The following PRR16 variants were observed in gnomAD, a reference collection of about 807,000 sequenced individuals.
PRR16 encodes the protein protein Largen.
In PRR16, 6 loss-of-function variants were observed where a neutral mutation model predicts 18.2. The observed-to-expected ratio is 0.33, with a 90% CI of 0.18 to 0.65. PRR16 has a LOEUF of 0.65. Ranked by LOEUF, PRR16 falls within the 30% of genes least tolerant of loss-of-function variation. PRR16 has a pLI of 0.74. For synonymous variants in PRR16, 151 were observed against 147.8 expected (o/e 1.02, Z -0.16); for missense variants, 412 against 376.6 (o/e 1.09, Z -0.78).
the PRR16 span, among the ~76,000 whole-genome samples, chr5:120,707,735 G>A: frequency 3.9e-5 from 6 of 152,232 alleles, no homozygotes; most frequent in East Asian, 1.2e-3. Context: ...TTTTTGATAG[G>A]GGAAGAAGAA....
chr5:120,567,856 T>C (rs1163061565), intron 1 of PRR16, among the ~76,000 whole-genome samples: 1 of 152,162 alleles, frequency 6.6e-6, no homozygotes, highest in East Asian at 1.9e-4. Flanking sequence ...CCAGTCTCTG[T>C]TAGTTCTTTA....
chr5:120,686,480 G>C lies in PRR16; in HGVS notation c.686G>C (p.Arg229Thr). ...GATACCCGGTATAACATAAAAAACA[G>C]GGAGGTCCACTTACACAGTGAACCT... ...DCDTRYNIKN[R>T]EVHLHSEPVH... The change falls in exon 2 of 2, where the codon AGG becomes ACG. Residue 229 changes from arginine to threonine, a missense_variant. By Grantham distance (71) the Arg-to-Thr change is moderately conservative. Coordinates refer to ENST00000407149, the MANE Select transcript of PRR16 (RefSeq NM_001300783.2). 6.2e-7 allele frequency: 1 copy of C among 1,614,030 alleles called. No individual in the cohort carries two copies. The highest frequency in any genetic ancestry group is 8.5e-7 in the Non-Finnish European group (1 of 1,179,998).
At chr5:120,633,403 G>A (rs930778464) in intron 1 of PRR16, among the ~76,000 whole-genome samples, 18 of 152,026 alleles carry the variant, frequency 1.2e-4, no homozygotes, top group Admixed American at 1.0e-3. Flanking sequence ...TGGCCTAAAC[G>A]CACCACTTAA....
the PRR16 span, among the ~76,000 whole-genome samples, chr5:120,709,072 A>G: frequency 7.6e-6 from 1 of 132,294 alleles, no homozygotes; most frequent in Non-Finnish European, 1.5e-5. Flanking sequence ...CAGTGGCGCA[A>G]TCTCGGCTCA....
the PRR16 span, among the ~76,000 whole-genome samples, chr5:120,775,782 T>A: frequency 1.4e-5 from 2 of 147,890 alleles, no homozygotes; most frequent in Non-Finnish European, 3.0e-5. Flanking sequence ...AGGCACCTGC[T>A]GCTACGCCTG....
chr5:120,480,670 A>G (rs1309433166), intron 1 of PRR16, among the ~76,000 whole-genome samples: 1 of 152,206 alleles, frequency 6.6e-6, no homozygotes, highest in Non-Finnish European at 1.5e-5. Flanking sequence ...ATGAAGAAAG[A>G]GAGTTAATGA....
chr5:120,641,780 G>C (rs1755431238), intron 1 of PRR16, among the ~76,000 whole-genome samples: 2 of 152,088 alleles, frequency 1.3e-5, no homozygotes, highest in African/African-American at 4.8e-5. Flanking sequence ...CGTCTGCAGA[G>C]AGCGTTAACT....
chr5:120,611,376 C>T (rs1241427546), intron 1 of PRR16, among the ~76,000 whole-genome samples: 1 of 152,032 alleles, frequency 6.6e-6, no homozygotes, highest in Non-Finnish European at 1.5e-5. Context: ...ATGGGGAAAA[C>T]GTCTCCAGGC....
the PRR16 span, among the ~76,000 whole-genome samples, chr5:120,782,174 AG>A: frequency 6.6e-6 from 1 of 152,134 alleles, no homozygotes; most frequent in Non-Finnish European, 1.5e-5. Flanking sequence ...TTAATGTAAA[AG>A]TTTGGAGTGG....
At chr5:120,652,986 G>A (rs1377797731) in intron 1 of PRR16, among the ~76,000 whole-genome samples, 1 of 152,096 alleles carries the variant, frequency 6.6e-6, no homozygotes, top group East Asian at 1.9e-4. Flanking sequence ...AAATAACAGT[G>A]CAGATATATT....
At chr5:120,485,810 C>G (rs980630196) in intron 1 of PRR16, among the ~76,000 whole-genome samples, 3 of 152,122 alleles carry the variant, frequency 2.0e-5, no homozygotes, top group African/African-American at 4.8e-5. Context: ...TCCCCCGACC[C>G]CACAACAGTC....
At chr5:120,717,445 T>A in the PRR16 span, among the ~76,000 whole-genome samples, 1 of 152,200 alleles carries the variant, frequency 6.6e-6, no homozygotes, top group Non-Finnish European at 1.5e-5. Flanking sequence ...AATAACCTGA[T>A]GAAAATGATG....
chr5:120,642,010 G>C (rs1253292331), intron 1 of PRR16, among the ~76,000 whole-genome samples: 1 of 151,990 alleles, frequency 6.6e-6, no homozygotes, highest in African/African-American at 2.4e-5. Flanking sequence ...GGTGCCTTCT[G>C]TAGCCTTCCT....
In PRR16 at chr5:120,664,130, C is replaced by G. The variant is rs149349533; in HGVS notation, c.160-21824C>G. 9.3e-3 allele frequency among the ~76,000 whole-genome samples: 1,419 copies of G among 152,166 alleles called. 16 individuals carry two copies. Among genetic ancestry groups the G allele is most frequent in the Non-Finnish European group, 0.016 (1,115 of 68,010 alleles). On this transcript the variant is annotated intron_variant, in intron 1 of 1. Coordinates refer to ENST00000407149, the MANE Select transcript of PRR16 (RefSeq NM_001300783.2). The stretch of plus-strand genomic sequence containing the variant: ...CCTTACCAACATGATGAAACCCTGT[C>G]TTTACTAAAAATACAAAAATTAGCT...
chr5:120,661,995 G>T (rs1253777960), intron 1 of PRR16, among the ~76,000 whole-genome samples: 3 of 152,102 alleles, frequency 2.0e-5, no homozygotes, highest in African/African-American at 4.8e-5. Flanking sequence ...ATGTACATAT[G>T]AGGTTCCTCA....
At chr5:120,649,050 G>A (rs555792181) in intron 1 of PRR16, among the ~76,000 whole-genome samples, 165 of 152,078 alleles carry the variant, frequency 1.1e-3, no homozygotes, top group African/African-American at 3.6e-3. Flanking sequence ...TTTAATAATC[G>A]TTTAACAATT....
chr5:120,614,131 C>G (rs1754426505), intron 1 of PRR16, among the ~76,000 whole-genome samples: 1 of 152,104 alleles, frequency 6.6e-6, no homozygotes, highest in Non-Finnish European at 1.5e-5. Flanking sequence ...CTTCTGTAAT[C>G]AAACTGTGAC....
intron 1 of PRR16, among the ~76,000 whole-genome samples, chr5:120,508,723 A>G (rs1750726206): frequency 6.6e-6 from 1 of 152,084 alleles, no homozygotes; most frequent in Non-Finnish European, 1.5e-5. Context: ...TTACATTTTT[A>G]CTTTGAGTGT....
downstream of PRR16, among the ~76,000 whole-genome samples, chr5:120,688,156 G>A (rs886708339): frequency 1.3e-5 from 2 of 152,156 alleles, no homozygotes; most frequent in African/African-American, 4.8e-5. Context: ...CCTTTTTCAA[G>A]CTAGATCATG....
Sources: gnomAD v4.1 joint callset for allele counts (sites outside exome capture counted in the v4.1 genomes callset) on GRCh38, gnomAD v4.1.1 for gene constraint, MANE v1.5 for transcripts, NCBI Gene and HGNC (gene_info 2026-07-23, HGNC 2026-07-21) for gene names.